Variants in ABCA13 observed in about 807,000 individuals in gnomAD.
ABCA13 encodes ATP binding cassette subfamily A member 13.
ABCA13 carries 476 observed loss-of-function variants against 478.7 expected under a neutral mutation model. The observed-to-expected ratio is 0.99, with a 90% confidence interval of 0.92 to 1.07. The LOEUF is 1.07. Among genes scored for constraint, ABCA13 ranks in the 50% least tolerant of loss-of-function variants. The probability of loss-of-function intolerance (pLI) is 0.00; values close to 1 mark genes in which losing one functional copy is unlikely to be tolerated. For synonymous variants in ABCA13, 2,252 were observed against 2,158.9 expected (o/e 1.04, Z -1.20); for missense variants, 6,060 against 5,910.6 (o/e 1.03, Z -0.83).
intron 43 of ABCA13, among the ~76,000 whole-genome samples, chr7:48,464,361 A>G (rs936496475): frequency 2.0e-5 from 3 of 152,238 alleles, no homozygotes; most frequent in Non-Finnish European, 4.4e-5. Context: ...TGTAAATTTC[A>G]GCAAGTTCCA....
rs143168215 is a variant in ABCA13 at position 48,312,446 on chromosome 7, G to GAA, written c.9517-611_9517-610dup. 3.6e-4 allele frequency among the ~76,000 whole-genome samples: 53 copies of GAA among 149,214 alleles called. No individual in the cohort carries two copies. The East Asian group carries it at 6.9e-3, about 19-fold the overall frequency. On this transcript the variant is annotated intron_variant, in intron 24 of 61. Transcript: ENST00000435803. ...GCCTCCAGTGTAGAACTGAGAATAT[G>GAA]AAAAAAAAAAATCATGTAAAATACA...
chr7:48,323,983 T>C (rs1452179029), intron 27 of ABCA13, among the ~76,000 whole-genome samples: 1 of 152,216 alleles, frequency 6.6e-6, no homozygotes, highest in Admixed American at 6.5e-5. Context: ...GCCAAGATTA[T>C]GAGGCCTCCC....
At chr7:48,293,201 C>G (rs548740642) in intron 20 of ABCA13, among the ~76,000 whole-genome samples, 8 of 137,300 alleles carry the variant, frequency 5.8e-5, no homozygotes, top group African/African-American at 1.8e-4. Flanking sequence ...AGCCCCCCCC[C>G]CGCCACACAC....
chr7:48,570,695 A>G (rs1159371148), intron 55 of ABCA13, among the ~76,000 whole-genome samples: 1 of 152,124 alleles, frequency 6.6e-6, no homozygotes, highest in Non-Finnish European at 1.5e-5. Context: ...ATACAGTTGG[A>G]TAATTAAAAA....
At chr7:48,419,060 T>A (rs1585239875) in intron 41 of ABCA13, among the ~76,000 whole-genome samples, 1 of 151,418 alleles carries the variant, frequency 6.6e-6, no homozygotes, top group African/African-American at 2.4e-5. Context: ...AGTGGGGAGG[T>A]GTCACACACT....
chr7:48,302,219 G>C (rs1202541379), intron 23 of ABCA13, among the ~76,000 whole-genome samples: 2 of 152,074 alleles, frequency 1.3e-5, no homozygotes, highest in Non-Finnish European at 2.9e-5. Flanking sequence ...TTGCCGATGG[G>C]TTTCCTCTTC....
At chr7:48,645,262 A>G (rs1795366912) in intron 61 of ABCA13, among the ~76,000 whole-genome samples, 155 bp from the exon 62 acceptor site, 1 of 152,180 alleles carries the variant, frequency 6.6e-6, no homozygotes, top group Admixed American at 6.5e-5. Context: ...ATGGATTTAT[A>G]TATTTATGTG....
intron 42 of ABCA13, among the ~76,000 whole-genome samples, chr7:48,446,282 T>C (rs540183640): frequency 2.0e-5 from 3 of 151,754 alleles, no homozygotes; most frequent in Non-Finnish European, 4.4e-5. Context: ...CCTGTTAGAG[T>C]ATCTTTAAGC....
At chr7:48,331,047 C>T (rs142827928) in intron 27 of ABCA13, among the ~76,000 whole-genome samples, 2 of 152,060 alleles carry the variant, frequency 1.3e-5, no homozygotes, top group African/African-American at 4.8e-5. Flanking sequence ...AGAAAAAGGT[C>T]TGAATAAGGA....
intron 54 of ABCA13, among the ~76,000 whole-genome samples, chr7:48,524,911 AAT>A (rs1197438608): frequency 2.0e-5 from 3 of 152,176 alleles, no homozygotes; most frequent in African/African-American, 7.2e-5. Context: ...TTCTAGTTAT[AAT>A]GTTTAATCAG....
chr7:48,403,907 T>C (rs1467113741), intron 39 of ABCA13, 28 bp downstream of exon 39: 2 of 1,598,434 alleles, frequency 1.3e-6, no homozygotes, highest in Non-Finnish European at 1.7e-6. Flanking sequence ...TTCTGCCTTC[T>C]CTTCCCACAA....
intron 49 of ABCA13, 141 bp from the exon 50 acceptor site, chr7:48,507,731 C>T (rs1484812745): frequency 2.1e-6 from 2 of 968,014 alleles, no homozygotes; most frequent in East Asian, 5.3e-5. Context: ...TGAGGGAATC[C>T]ATGCCCTTAG....
chr7:48,249,364 C>G lies in ABCA13; in HGVS notation c.2005+13C>G. On this transcript the variant is annotated intron_variant, in intron 15 of 61. Coordinates refer to ENST00000435803, the MANE Select transcript of ABCA13 (RefSeq NM_152701.5). ...AACAGACTATTGGGTAAGTCAGTAG[C>G]CTAAACTACAGGAATGGGGGATGCT... The G allele has an allele frequency of 6.2e-7, 1 of 1,611,250 alleles. No homozygotes were observed. The highest frequency in any genetic ancestry group is 8.5e-7 in the Non-Finnish European group (1 of 1,178,690).
chr7:48,602,740 G>GTT (rs145107586), intron 58 of ABCA13, among the ~76,000 whole-genome samples: 280 of 149,786 alleles, frequency 1.9e-3, no homozygotes, highest in African/African-American at 6.4e-3. Context: ...ATTTAAAGTG[G>GTT]TTTTTTTTTT....
At chr7:48,517,238 C>T (rs756592456) in intron 52 of ABCA13, among the ~76,000 whole-genome samples, 2 of 152,054 alleles carry the variant, frequency 1.3e-5, no homozygotes, top group Non-Finnish European at 2.9e-5. Flanking sequence ...GAAACATGCC[C>T]TCTCAATGTT....
At position 48,632,463 on chromosome 7, in the gene ABCA13, G is replaced by A. The variant is rs563641666; in HGVS notation, c.14838-10825G>A. Among the ~76,000 whole-genome samples, 49 of 152,042 alleles carry A rather than the reference G, an allele frequency of 3.2e-4. No individual in the cohort carries two copies. In the South Asian group the frequency reaches 4.1e-3, roughly 13 times the overall value. ...TTTTCTTTTGTTGTTTGTGGTTTTC[G>A]TGTCATATCCAAGGATTCATTGCCA... On this transcript the variant is annotated intron_variant, in intron 59 of 61. Transcript: ENST00000435803.
chr7:48,393,678 T>C (rs556523417), intron 38 of ABCA13, among the ~76,000 whole-genome samples: 35 of 152,344 alleles, frequency 2.3e-4, no homozygotes, highest in African/African-American at 8.4e-4. Context: ...GGTGGAGCTC[T>C]ACCTTGGTGT....
At chr7:48,637,381 CAAAAA>C (rs1156643955) in intron 59 of ABCA13, among the ~76,000 whole-genome samples, 634 of 20,240 alleles carry the variant, frequency 0.031, 2 homozygotes, top group Middle Eastern at 0.1. Flanking sequence ...GTTCATAAAG[CAAAAA>C]AAAAAAAAAA....
intron 59 of ABCA13, among the ~76,000 whole-genome samples, chr7:48,631,403 A>G (rs1448789564): frequency 6.6e-6 from 1 of 152,108 alleles, no homozygotes; most frequent in Non-Finnish European, 1.5e-5. Flanking sequence ...TATTTATTAA[A>G]TAGGTAGTCC....
Sources: allele counts gnomAD v4.1 joint callset (sites outside exome capture counted in the v4.1 genomes callset), GRCh38; gene constraint gnomAD v4.1.1; transcripts MANE v1.5; gene names NCBI Gene and HGNC (gene_info 2026-07-23, HGNC 2026-07-21).